Variants in DNAH8 observed in about 807,000 individuals in gnomAD.
The protein encoded by DNAH8 is dynein axonemal heavy chain 8.
DNAH8 carries 382 observed loss-of-function variants against 562.1 expected under a neutral mutation model. The ratio of observed to expected loss-of-function variants is 0.68; its 90% CI spans 0.63 to 0.74. The LOEUF (loss-of-function observed/expected upper bound fraction) is 0.74, where lower values mean the gene tolerates loss of function less well. Among genes scored for constraint, DNAH8 ranks in the 30% least tolerant of loss-of-function variants. The pLI is 0.00. For missense variants in DNAH8, 5,203 were observed against 5,620.4 expected, an observed-to-expected ratio of 0.93 and a Z score of 2.37; for synonymous variants, 1,881 against 1,919.4, an observed-to-expected ratio of 0.98 and a Z score of 0.52.
At chr6:38,878,085 G>A (rs1261566161) in intron 53 of DNAH8, among the ~76,000 whole-genome samples, 5 of 152,200 alleles carry the variant, frequency 3.3e-5, no homozygotes, top group Non-Finnish European at 7.3e-5. Flanking sequence ...TCTGCACAAG[G>A]AGGAAGTGTC....
At chr6:38,770,000 A>G (rs376954928) in intron 11 of DNAH8, among the ~76,000 whole-genome samples, 37 of 152,334 alleles carry the variant, frequency 2.4e-4, no homozygotes, top group African/African-American at 8.9e-4. Context: ...TGTACTCATC[A>G]AAGACTTTAT....
chr6:38,890,825 C>T (rs1291639359), intron 58 of DNAH8, 64 bp downstream of exon 58: 9 of 1,115,352 alleles, frequency 8.1e-6, no homozygotes, highest in Admixed American at 1.7e-5. Flanking sequence ...GATCACACCT[C>T]GTGGCTCATT....
rs148496043 is a variant in DNAH8, at chr6:38,864,155, C to G, written c.6498+95C>G. The G allele has an allele frequency of 2.1e-4, 241 of 1,139,802 alleles. 2 individuals are homozygous for G. The African/African-American group carries it at 3.3e-3, about 15-fold the overall frequency. The allele number at this position is 1,139,802 out of a possible 1,614,324, so 70.6% of individuals were successfully genotyped here. A position where few individuals can be genotyped will look rare whatever the true frequency, so the allele number is the denominator to read the frequency against. On this transcript the variant is annotated intron_variant, in intron 45 of 92. Transcript: ENST00000327475. ...TGTTAATGGGTAGATGACCAACTAT[C>G]CAGGAGTTATAAGCTGTTCTCTCTT...
chr6:38,841,185 G>A (rs1270945433), intron 33 of DNAH8, among the ~76,000 whole-genome samples: 4 of 152,122 alleles, frequency 2.6e-5, no homozygotes, highest in Admixed American at 1.3e-4. Context: ...TAGGGAGGCT[G>A]AGGCGGGCCG....
At chr6:38,926,477 C>T (rs1217928052) in intron 74 of DNAH8, among the ~76,000 whole-genome samples, 1 of 152,048 alleles carries the variant, frequency 6.6e-6, no homozygotes, top group Non-Finnish European at 1.5e-5. Flanking sequence ...TTGTTCCGGG[C>T]CTTGGGTTTG....
intron 11 of DNAH8, among the ~76,000 whole-genome samples, chr6:38,766,504 T>C (rs868529388): frequency 6.6e-6 from 1 of 152,190 alleles, no homozygotes; most frequent in African/African-American, 2.4e-5. Flanking sequence ...TTTTGTTTTT[T>C]GAGACAAGGT....
At chr6:38,780,109 A>G in intron 15 of DNAH8, 44 bp downstream of exon 15, 1 of 1,568,818 alleles carries the variant, frequency 6.4e-7, no homozygotes, top group Non-Finnish European at 8.7e-7. Flanking sequence ...TAGCACAAAA[A>G]GAAAAAAAAT....
intron 41 of DNAH8, among the ~76,000 whole-genome samples, chr6:38,856,330 G>T (rs576550931): frequency 2.0e-5 from 3 of 152,146 alleles, no homozygotes; most frequent in East Asian, 1.9e-4. Flanking sequence ...CCACTAAGTC[G>T]CATGCCTTTT....
In DNAH8 at chr6:38,873,343, A is replaced by C; in HGVS notation, c.7587A>C (p.Lys2529Asn). 6.2e-7 allele frequency: 1 copy of C among 1,611,238 alleles called. No individual in the cohort carries two copies. Among genetic ancestry groups the C allele is most frequent in the Non-Finnish European group, 8.5e-7 (1 of 1,179,392 alleles). Residue 2529 changes from lysine (K) to asparagine (N), a missense_variant, in exon 52 of 93, where the codon AAA becomes AAC. By Grantham distance (94) the Lys-to-Asn change is moderately conservative. This residue lies in a region of DNAH8 where 977 missense variants were observed against 1,061.8 expected (regional missense o/e 0.92). Coordinates refer to ENST00000327475, the MANE Select transcript of DNAH8 (RefSeq NM_001206927.2). The part of the protein sequence containing the change: ...YTYMKLNLNP[K>N]MQLLECNYIV... ...ATATGAAGCTAAATCTCAATCCCAA[A>C]ATGCAGCTCTTGGAGTGCAACTATA...
chr6:38,857,507 T>C lies in DNAH8; in HGVS notation c.5734-11T>C. The C allele has an allele frequency of 6.4e-7, 1 of 1,573,398 alleles. No individual in the cohort carries two copies. On this transcript the variant is annotated splice_polypyrimidine_tract_variant and intron_variant, in intron 41 of 92. Transcript: ENST00000327475. ...TTGGCAAATTTTAATATTTTTCTGC[T>C]GGATCTGTAGGTTGGACTTCTGGGA...
chr6:38,828,162 AAACTCCAC>A lies in DNAH8; in HGVS notation c.4084-21_4084-14del. ...AATGGCTTTCCCTTGTGATATTTCT[AAACTCCAC>A]CTTCATCCTGCAGGAAGCCTATGCT... On this transcript the variant is annotated splice_polypyrimidine_tract_variant and intron_variant, in intron 29 of 92. Transcript: ENST00000327475. 6.7e-7 allele frequency: 1 copy of A among 1,498,620 alleles called. No homozygotes were observed. The highest frequency in any genetic ancestry group is 9.2e-7 in the Non-Finnish European group (1 of 1,092,088). The allele number at this position is 1,498,620 out of a possible 1,614,324, so 92.8% of individuals were successfully genotyped here. A position where few individuals can be genotyped will look rare whatever the true frequency, so the allele number is the denominator to read the frequency against.
chr6:38,854,254 A>G (rs1471595826), intron 41 of DNAH8, among the ~76,000 whole-genome samples: 1 of 152,160 alleles, frequency 6.6e-6, no homozygotes, highest in Non-Finnish European at 1.5e-5. Flanking sequence ...CCAAGATTGG[A>G]GCAGGTACCA....
At chr6:38,985,925 C>T (rs1021122050) in intron 87 of DNAH8, among the ~76,000 whole-genome samples, 1 of 152,134 alleles carries the variant, frequency 6.6e-6, no homozygotes, top group Non-Finnish European at 1.5e-5. Context: ...GGAGTGAGTA[C>T]CTGCTCCTGA....
intron 66 of DNAH8, 118 bp downstream of exon 66, chr6:38,911,704 A>G (rs894420216): frequency 5.7e-6 from 4 of 706,690 alleles, no homozygotes; most frequent in Admixed American, 2.7e-5. Context: ...TGTTAGTAGT[A>G]GATAATTTTA....
At chr6:38,974,617 C>T (rs1020748884) in intron 85 of DNAH8, 88 bp downstream of exon 85, 6 of 1,020,142 alleles carry the variant, frequency 5.9e-6, no homozygotes, top group African/African-American at 1.6e-5. Context: ...GGGTGCTATC[C>T]GTTGCCGCTC....
In DNAH8 at chr6:38,990,078, T is replaced by G; in HGVS notation, c.13120T>G (p.Cys4374Gly). Residue 4374 changes from cysteine to glycine, a missense_variant, in exon 88 of 93, where the codon TGC (cysteine) becomes GGC (glycine). Transcript: ENST00000327475. Reference sequence around the variant, plus strand: ...TTATACTGGATATAAAATCCCCTTATGCAAAACCTTAGACCAGTATTTTGA... The same window carrying G: ...TTATACTGGATATAAAATCCCCTTAGGCAAAACCTTAGACCAGTATTTTGA... Reference protein sequence around the residue: ...CFYTGYKIPLCKTLDQYFEYI... With the variant: ...CFYTGYKIPLGKTLDQYFEYI... 6.3e-7 allele frequency: 1 copy of G among 1,597,580 alleles called. No homozygotes were observed. Among genetic ancestry groups the G allele is most frequent in the South Asian group, 1.1e-5 (1 of 90,756 alleles).
chr6:38,853,080 A>T, intron 40 of DNAH8, 106 bp from the exon 41 acceptor site: 1 of 852,498 alleles, frequency 1.2e-6, no homozygotes, highest in Non-Finnish European at 1.8e-6. Flanking sequence ...AAAATATGAA[A>T]CTGTTTGCTT....
At chr6:38,949,428 T>C in intron 80 of DNAH8, 24 bp from the exon 81 acceptor site, 1 of 1,394,976 alleles carries the variant, frequency 7.2e-7, no homozygotes, top group Non-Finnish European at 1.0e-6. Context: ...TTCTGTGGCT[T>C]GCTAATTGGC....
At position 38,938,075 on chromosome 6, in the gene DNAH8, A is replaced by C; in HGVS notation, c.11665A>C (p.Ile3889Leu). ...EKLHVAAETE[I>L]KINAAQEEFR... The stretch of plus-strand genomic sequence containing the variant: ...GTTGCATGTGGCTGCAGAAACTGAG[A>C]TCAAGATCAACGCGGCTCAGGAGGA... The change falls in exon 78 of 93, where the codon ATC becomes CTC. Residue 3889 changes from isoleucine (I) to leucine (L), a missense_variant. Coordinates refer to ENST00000327475, the MANE Select transcript of DNAH8 (RefSeq NM_001206927.2). 6.2e-7 allele frequency: 1 copy of C among 1,614,050 alleles called. No individual in the cohort carries two copies. Among genetic ancestry groups the C allele is most frequent in the South Asian group, 1.1e-5 (1 of 91,072 alleles).
Sources: gnomAD v4.1 joint callset for allele counts (sites outside exome capture counted in the v4.1 genomes callset) on GRCh38, gnomAD v4.1.1 for gene constraint, gnomAD v4.1.1 regional missense constraint, MANE v1.5 for transcripts, NCBI Gene and HGNC (gene_info 2026-07-23, HGNC 2026-07-21) for gene names.